Variants in MKRN2 observed in about 807,000 individuals in gnomAD.
MKRN2 encodes the protein makorin ring finger protein 2.
A neutral mutation model predicts 45.4 loss-of-function variants in MKRN2; 32 were observed. The ratio of observed to expected loss-of-function variants is 0.70; its 90% CI spans 0.53 to 0.95. The LOEUF (loss-of-function observed/expected upper bound fraction) is 0.95, where lower values mean the gene tolerates loss of function less well. Among genes scored for constraint, MKRN2 ranks in the 40% least tolerant of loss-of-function variants. The pLI is 0.00. For missense variants in MKRN2, 526 were observed against 536.7 expected (o/e 0.98, Z 0.20); for synonymous variants, 206 against 192.4 (o/e 1.07, Z -0.59).
chr3:12,560,333 C>T (rs2058025906), intron 1 of MKRN2, among the ~76,000 whole-genome samples: 1 of 152,116 alleles, frequency 6.6e-6, no homozygotes, highest in Non-Finnish European at 1.5e-5. Flanking sequence ...CCACACTGTA[C>T]TTCATTTCAT....
intron 4 of MKRN2, among the ~76,000 whole-genome samples, chr3:12,572,708 C>A (rs1289064829): frequency 1.3e-5 from 2 of 151,886 alleles, no homozygotes; most frequent in African/African-American, 4.8e-5. Flanking sequence ...CTCAGCCCCA[C>A]CGAGTAGCTG....
chr3:12,567,375 ATCC>A (rs2058074627), intron 1 of MKRN2, among the ~76,000 whole-genome samples: 3 of 150,946 alleles, frequency 2.0e-5, no homozygotes, highest in African/African-American at 7.3e-5. Flanking sequence ...GGTTTAAGCA[ATCC>A]TCCTGTCTCA....
At chr3:12,557,406 G>A (rs1328637552) in intron 1 of MKRN2, among the ~76,000 whole-genome samples, 1 of 152,238 alleles carries the variant, frequency 6.6e-6, no homozygotes, top group Non-Finnish European at 1.5e-5. Flanking sequence ...GCTACGCCCC[G>A]AGTTTGAAGC....
Position 12,582,463 on chromosome 3 carries a change from G to A in MKRN2, c.*210G>A. 2 of 590,496 alleles carry A rather than the reference G, an allele frequency of 3.4e-6. No homozygotes were observed. Among genetic ancestry groups the A allele is most frequent in the Non-Finnish European group, 5.7e-6 (2 of 350,838 alleles). The allele number at this position is 590,496 out of a possible 1,614,324, so 36.6% of individuals were successfully genotyped here. On this transcript the variant is annotated 3_prime_UTR_variant, in exon 8 of 8. Coordinates refer to ENST00000170447, the MANE Select transcript of MKRN2 (RefSeq NM_014160.5). The stretch of plus-strand genomic sequence containing the variant: ...GTAACCTAATTAAATGTATGGAATT[G>A]CTATTTTTATAGCTGATATAGTTAC...
At position 12,572,122 on chromosome 3, in the gene MKRN2, G is replaced by A; in HGVS notation, c.391G>A (p.Gly131Ser). ...CCAGCCGAGCATGGTGAGTAATCCA[G>A]GCAGCTGCAGCGACCCCCAGCCCAG... ...KTQPSMVSNP[G>S]SCSDPQPSPE... Residue 131 changes from glycine to serine, a missense_variant, in exon 4 of 8, where the codon GGC (glycine) becomes AGC (serine). By Grantham distance (56) the Gly-to-Ser change is moderately conservative. Coordinates refer to ENST00000170447, the MANE Select transcript of MKRN2 (RefSeq NM_014160.5). 1 of 1,613,908 alleles carries A rather than the reference G, an allele frequency of 6.2e-7. No homozygotes were observed. The highest frequency in any genetic ancestry group is 1.1e-5 in the South Asian group (1 of 91,056).
intron 6 of MKRN2, among the ~76,000 whole-genome samples, chr3:12,580,179 G>T (rs1439749899): frequency 6.6e-6 from 1 of 152,192 alleles, no homozygotes; most frequent in African/African-American, 2.4e-5. Context: ...TAAGCCTGGG[G>T]GAGGAAAAAG....
intron 2 of MKRN2, 138 bp from the exon 3 acceptor site, chr3:12,569,933 G>C (rs1420441181): frequency 1.3e-6 from 1 of 745,346 alleles, no homozygotes; most frequent in Non-Finnish European, 2.1e-6. Flanking sequence ...AATCCTGTTA[G>C]AGTTTAAATA....
intron 2 of MKRN2, among the ~76,000 whole-genome samples, chr3:12,569,710 T>C (rs1388105563): frequency 6.6e-6 from 1 of 152,106 alleles, no homozygotes; most frequent in Non-Finnish European, 1.5e-5. Flanking sequence ...TTGGCCCTTG[T>C]CAGCATTTTG....
intron 6 of MKRN2, 58 bp downstream of exon 6, chr3:12,576,799 C>A: frequency 8.0e-7 from 1 of 1,251,378 alleles, no homozygotes; most frequent in South Asian, 1.2e-5. Flanking sequence ...GCTGTCAGCC[C>A]GTGTCCTCGT....
At chr3:12,569,319 A>ATTT (rs5846777) in intron 2 of MKRN2, among the ~76,000 whole-genome samples, 4,239 of 141,074 alleles carry the variant, frequency 0.03, 225 homozygotes, top group African/African-American at 0.1. Flanking sequence ...CGCCTGGCTG[A>ATTT]TTTTTTTTTT....
intron 1 of MKRN2, among the ~76,000 whole-genome samples, chr3:12,558,939 C>T (rs2058010109): frequency 6.6e-6 from 1 of 152,172 alleles, no homozygotes; most frequent in Admixed American, 6.5e-5. Context: ...AGCATTGAAG[C>T]GACTTGCCTA....
At chr3:12,575,106 A>G in intron 5 of MKRN2, 100 bp downstream of exon 5, 1 of 1,132,008 alleles carries the variant, frequency 8.8e-7, no homozygotes, top group East Asian at 2.5e-5. Flanking sequence ...CTCAAGAGTA[A>G]CTGGTGAGTT....
At chr3:12,575,869 G>A (rs115837464) in intron 5 of MKRN2, among the ~76,000 whole-genome samples, 2,060 of 152,174 alleles carry the variant, frequency 0.014, 40 homozygotes, top group African/African-American at 0.045. Flanking sequence ...TTCTCCTGGC[G>A]GAATATGTTC....
In MKRN2 at chr3:12,581,891, A is replaced by C. The variant is rs1389918644; in HGVS notation, c.1052A>C (p.Asp351Ala). Residue 351 changes from aspartate to alanine, a missense_variant, in exon 7 of 8, where the codon GAT (aspartate) becomes GCT (alanine). By Grantham distance (126) the Asp-to-Ala change is moderately radical (BLOSUM62 -2). Transcript: ENST00000170447. ...SKCLYRHAYP[D>A]GRLAEPEKPR... Reference sequence around the variant, plus strand: ...TGTCTTTATCGCCATGCTTACCCCGATGGGCGGCTAGCAGAGCCTGAGAAA... The same window carrying C: ...TGTCTTTATCGCCATGCTTACCCCGCTGGGCGGCTAGCAGAGCCTGAGAAA... 8 of 1,614,188 alleles carry C rather than the reference A, an allele frequency of 5.0e-6. No homozygotes were observed. Among genetic ancestry groups the C allele is most frequent in the Non-Finnish European group, 5.9e-6 (7 of 1,180,040 alleles).
At chr3:12,566,866 G>A (rs1177315625) in intron 1 of MKRN2, among the ~76,000 whole-genome samples, 1 of 152,182 alleles carries the variant, frequency 6.6e-6, no homozygotes. Flanking sequence ...GTCTCCCAAA[G>A]CGCTGGGATT....
chr3:12,568,934 C>A lies in MKRN2; in HGVS notation c.86C>A (p.Ala29Glu), dbSNP rs1297946410. 1 of 1,614,068 alleles carries A rather than the reference C, an allele frequency of 6.2e-7. No individual in the cohort carries two copies. The highest frequency in any genetic ancestry group is 1.7e-5 in the Admixed American group (1 of 60,000). ...CAGTGCCTATTCTCACATGACTTGG[C>A]AAACAGCAAACCGTCCACCATCTGC... ...GSQCLFSHDL[A>E]NSKPSTICKY... The change falls in exon 2 of 8, where the codon GCA becomes GAA. Residue 29 changes from alanine (A) to glutamate (E), a missense_variant. Coordinates refer to ENST00000170447, the MANE Select transcript of MKRN2 (RefSeq NM_014160.5).
rs1398430643 is a variant in MKRN2 at position 12,582,224 on chromosome 3, CTTT to C, written c.1223_1225del (p.Leu408_Ser409delinsPro). The C allele has an allele frequency of 1.9e-6, 3 of 1,614,128 alleles. No individual in the cohort carries two copies. Among genetic ancestry groups the C allele is most frequent in the Non-Finnish European group, 2.5e-6 (3 of 1,180,024 alleles). On this transcript the variant is annotated inframe_deletion, in exon 8 of 8. Coordinates refer to ENST00000170447, the MANE Select transcript of MKRN2 (RefSeq NM_014160.5). ...AGAGCTCGGGGACCTCTTCATGCACCTTTCTGGAGTGGAATCATCAGAACCCTA... is the reference window on the plus strand; with the variant it reads ...AGAGCTCGGGGACCTCTTCATGCACCCTGGAGTGGAATCATCAGAACCCTA...
rs1230206267 is a variant in MKRN2 at position 12,582,118 on chromosome 3, CTTT to C, written c.1117_1119del (p.Phe373del). ...ATGTCCACTGGCTGTTTTTGCAGTT[CTTT>C]AATTCAGTGCGGCTCTGGGATTTCA... On this transcript the variant is annotated inframe_deletion, in exon 8 of 8. Coordinates refer to ENST00000170447, the MANE Select transcript of MKRN2 (RefSeq NM_014160.5). 1 of 1,614,022 alleles carries C rather than the reference CTTT, an allele frequency of 6.2e-7. No individual in the cohort carries two copies. Among genetic ancestry groups the C allele is most frequent in the East Asian group, 2.2e-5 (1 of 44,892 alleles).
intron 6 of MKRN2, among the ~76,000 whole-genome samples, 161 bp from the exon 7 acceptor site, chr3:12,581,647 G>A (rs192538494): frequency 6.6e-6 from 1 of 152,256 alleles, no homozygotes; most frequent in Non-Finnish European, 1.5e-5. Context: ...TGTGTGACCT[G>A]AGACAAATCA....
Sources: gnomAD v4.1 joint callset for allele counts (sites outside exome capture counted in the v4.1 genomes callset) on GRCh38, gnomAD v4.1.1 for gene constraint, MANE v1.5 for transcripts, NCBI Gene and HGNC (gene_info 2026-07-23, HGNC 2026-07-21) for gene names.